The following CFDP1 variants were observed in gnomAD, a reference collection of about 807,000 sequenced individuals.
The protein encoded by CFDP1 is heterochromatin-stabilizing protein CFDP1.
In CFDP1, 31 loss-of-function variants were observed where a neutral mutation model predicts 40.1. The ratio of observed to expected loss-of-function variants is 0.77; its 90% CI spans 0.58 to 1.04. The LOEUF is 1.04. Ranked by LOEUF, CFDP1 falls within the 50% of genes least tolerant of loss-of-function variation. The pLI, the probability that CFDP1 is intolerant of heterozygous loss-of-function variation, is 0.00. For synonymous variants in CFDP1, 167 were observed against 120.0 expected (o/e 1.39, Z -2.56); for missense variants, 423 against 343.4 (o/e 1.23, Z -1.83).
At chr16:75,408,887 T>C (rs1346373582) in intron 4 of CFDP1, among the ~76,000 whole-genome samples, 1 of 152,056 alleles carries the variant, frequency 6.6e-6, no homozygotes, top group Non-Finnish European at 1.5e-5. Context: ...AGACAGAGTC[T>C]CGCTCTGTTG....
intron 5 of CFDP1, among the ~76,000 whole-genome samples, chr16:75,387,969 A>G (rs2078913800): frequency 6.6e-6 from 1 of 152,276 alleles, no homozygotes; most frequent in Non-Finnish European, 1.5e-5. Context: ...AATAGCTTTC[A>G]AAGAGTCCCA....
intron 4 of CFDP1, among the ~76,000 whole-genome samples, chr16:75,399,570 A>G (rs147193712): frequency 4.8e-4 from 73 of 152,280 alleles, no homozygotes; most frequent in African/African-American, 1.6e-3. Context: ...TTAAAGACAG[A>G]GTCTCACCAT....
chr16:75,392,783 C>CT (rs1474683721), intron 5 of CFDP1, among the ~76,000 whole-genome samples: 4 of 152,228 alleles, frequency 2.6e-5, no homozygotes, highest in Non-Finnish European at 5.9e-5. Flanking sequence ...TTCCAAACCA[C>CT]AGCTTACAAA....
intron 5 of CFDP1, among the ~76,000 whole-genome samples, chr16:75,311,571 G>C (rs1453118486): frequency 6.6e-6 from 1 of 152,096 alleles, no homozygotes; most frequent in Admixed American, 6.6e-5. Context: ...GCAAGGATAG[G>C]GTTAACATGT....
At chr16:75,351,816 T>G (rs1004790970) in intron 5 of CFDP1, among the ~76,000 whole-genome samples, 1 of 151,736 alleles carries the variant, frequency 6.6e-6, no homozygotes, top group Non-Finnish European at 1.5e-5. Flanking sequence ...GAGACCAGCC[T>G]GGCCAACATA....
intron 5 of CFDP1, among the ~76,000 whole-genome samples, chr16:75,349,208 T>C (rs1376823656): frequency 6.6e-6 from 1 of 151,958 alleles, no homozygotes; most frequent in Non-Finnish European, 1.5e-5. Flanking sequence ...TCACTGCTAG[T>C]TTATAGAAAT....
chr16:75,313,961 C>T (rs552426313), intron 5 of CFDP1, among the ~76,000 whole-genome samples: 65 of 152,178 alleles, frequency 4.3e-4, no homozygotes, highest in African/African-American at 1.4e-3. Context: ...CTTGGCTCAC[C>T]GCAACCTCCG....
intron 5 of CFDP1, among the ~76,000 whole-genome samples, chr16:75,336,843 A>G (rs1453212537): frequency 6.6e-6 from 1 of 152,230 alleles, no homozygotes; most frequent in Non-Finnish European, 1.5e-5. Flanking sequence ...TGTCATTTAA[A>G]TTTGTCTCTT....
At chr16:75,322,446 A>C (rs1015554523) in intron 5 of CFDP1, among the ~76,000 whole-genome samples, 2 of 152,218 alleles carry the variant, frequency 1.3e-5, no homozygotes, top group African/African-American at 4.8e-5. Flanking sequence ...AAACCTAGAT[A>C]GTATAGCCTA....
chr16:75,301,315 G>C (rs2078219997), intron 6 of CFDP1, among the ~76,000 whole-genome samples: 1 of 152,138 alleles, frequency 6.6e-6, no homozygotes, highest in Admixed American at 6.5e-5. Context: ...ATACAGAAGA[G>C]TGCATGAACT....
chr16:75,402,984 G>A (rs912637191), intron 4 of CFDP1, among the ~76,000 whole-genome samples: 1 of 151,976 alleles, frequency 6.6e-6, no homozygotes, highest in Non-Finnish European at 1.5e-5. Context: ...TAAAATGTAT[G>A]TGACAGTATG....
chr16:75,431,760 A>T (rs2079421270), intron 1 of CFDP1, among the ~76,000 whole-genome samples: 1 of 152,154 alleles, frequency 6.6e-6, no homozygotes, highest in Non-Finnish European at 1.5e-5. Flanking sequence ...GGATGAGGGG[A>T]AGGAGGTCAG....
rs1166925515 is a variant in CFDP1 at position 75,328,307 on chromosome 16, G to A, written c.651-23125C>T. 6.6e-5 allele frequency among the ~76,000 whole-genome samples: 10 copies of A among 150,780 alleles called. No individual in the cohort carries two copies. The South Asian group carries it at 8.4e-4, about 13-fold the overall frequency. ...TGTTTTAAAAGCTAGAGCGATGGCCGGGCATGGTGGCTCATGCCTGCAATC... is the reference window on the plus strand; with the variant it reads ...TGTTTTAAAAGCTAGAGCGATGGCCAGGCATGGTGGCTCATGCCTGCAATC... On this transcript the variant is annotated intron_variant, in intron 5 of 6. Transcript: ENST00000283882.
At chr16:75,310,309 T>A (rs2078287278) in intron 5 of CFDP1, among the ~76,000 whole-genome samples, 1 of 152,184 alleles carries the variant, frequency 6.6e-6, no homozygotes, top group African/African-American at 2.4e-5. Flanking sequence ...TCTTGCATAT[T>A]TTGTTCAGTT....
At chr16:75,421,610 C>G (rs781528070) in intron 1 of CFDP1, among the ~76,000 whole-genome samples, 5 of 152,020 alleles carry the variant, frequency 3.3e-5, no homozygotes, top group Non-Finnish European at 5.9e-5. Context: ...AGTATAAATC[C>G]GAGAAAGCCT....
intron 4 of CFDP1, among the ~76,000 whole-genome samples, chr16:75,395,675 T>TA (rs955747325): frequency 2.0e-5 from 3 of 151,806 alleles, no homozygotes; most frequent in East Asian, 1.9e-4. Context: ...ATAAAAAAAA[T>TA]AAAAAAACAT....
At chr16:75,361,257 C>T (rs1484890187) in intron 5 of CFDP1, among the ~76,000 whole-genome samples, 7 of 152,250 alleles carry the variant, frequency 4.6e-5, no homozygotes, top group African/African-American at 1.2e-4. Context: ...GTGATCCACC[C>T]GCCACAGTCT....
chr16:75,307,406 G>C (rs577152948), intron 5 of CFDP1, among the ~76,000 whole-genome samples: 2 of 151,888 alleles, frequency 1.3e-5, no homozygotes, highest in East Asian at 3.9e-4. Context: ...TAGTAGAGAC[G>C]GGGTTTTGCC....
chr16:75,299,930 A>C (rs933939872), intron 6 of CFDP1, among the ~76,000 whole-genome samples: 1 of 152,116 alleles, frequency 6.6e-6, no homozygotes, highest in Non-Finnish European at 1.5e-5. Flanking sequence ...CTGGGGAAGG[A>C]GCACTACACA....
Sources: gnomAD v4.1 joint callset for allele counts (sites outside exome capture counted in the v4.1 genomes callset) on GRCh38, gnomAD v4.1.1 for gene constraint, MANE v1.5 for transcripts, NCBI Gene and HGNC (gene_info 2026-07-23, HGNC 2026-07-21) for gene names.